DCTPP1: variants seen among roughly 807,000 people sequenced by gnomAD.
DCTPP1 encodes the protein XTP3-transactivated gene A protein.
Under a neutral mutation model 8.8 loss-of-function variants are expected in DCTPP1, and 8 were observed. The observed-to-expected ratio is 0.91, with a 90% CI of 0.54 to 1.64. The LOEUF is 1.64. Ranked by LOEUF, DCTPP1 falls within the 40% of genes most tolerant of loss-of-function variation. The pLI is 0.00. For missense variants in DCTPP1, 231 were observed against 230.4 expected (o/e 1.00, Z -0.02); for synonymous variants, 85 against 92.1 (o/e 0.92, Z 0.44).
chr16:30,424,816 G>A (rs1352707834), intron 2 of DCTPP1, among the ~76,000 whole-genome samples: 1 of 152,142 alleles, frequency 6.6e-6, no homozygotes, highest in African/African-American at 2.4e-5. Context: ...ACCAAACCTC[G>A]GACCTGGACC....
chr16:30,429,244 G>A (rs2050211142), intron 1 of DCTPP1, 77 bp from the exon 2 acceptor site: 4 of 1,460,216 alleles, frequency 2.7e-6, no homozygotes, highest in East Asian at 2.3e-5. Context: ...AGCTACCCCC[G>A]TAGTATGTAA....
rs1567446295 is a variant in DCTPP1, at chr16:30,429,988, A to ACCGGCCACAGACATGCCGCCCC, written c.-9_-8insGGGGCGGCATGTCTGTGGCCGG. The stretch of plus-strand genomic sequence containing the variant: ...CCCACCGGCCACAGACATGCCGCCC[A>ACCGGCCACAGACATGCCGCCCC]CCGCTGCACCGCGACTTCACGGAAA... On this transcript the variant is annotated 5_prime_UTR_variant, in exon 1 of 3. It adds an upstream start codon to the 5' untranslated region. Transcript: ENST00000319285. 2 of 1,497,328 alleles carry ACCGGCCACAGACATGCCGCCCC rather than the reference A, an allele frequency of 1.3e-6. No individual in the cohort carries two copies. The highest frequency in any genetic ancestry group is 2.7e-5 in the East Asian group (1 of 37,188). 92.8% of individuals were successfully genotyped at this position (1,497,328 alleles called of 1,614,324 possible).
At chr16:30,426,651 T>C (rs978862491) in intron 2 of DCTPP1, among the ~76,000 whole-genome samples, 2 of 152,088 alleles carry the variant, frequency 1.3e-5, no homozygotes, top group Non-Finnish European at 2.9e-5. Flanking sequence ...TTTGTATTTT[T>C]AGTAGAGACA....
At chr16:30,424,564 C>G in intron 2 of DCTPP1, 31 bp from the exon 3 acceptor site, 1 of 1,602,138 alleles carries the variant, frequency 6.2e-7, no homozygotes, top group Non-Finnish European at 8.5e-7. Context: ...GACACACACT[C>G]AGATGTAACC....
chr16:30,426,035 C>T (rs2050190516), intron 2 of DCTPP1, among the ~76,000 whole-genome samples: 1 of 152,170 alleles, frequency 6.6e-6, no homozygotes, highest in African/African-American at 2.4e-5. Context: ...ACAGGCCAGA[C>T]TGTCACAGGC....
In DCTPP1 at chr16:30,424,173, G is replaced by A. The variant is rs1302932707; in HGVS notation, c.*60C>T. 1 of 1,576,948 alleles carries A rather than the reference G, an allele frequency of 6.3e-7. No homozygotes were observed. The highest frequency in any genetic ancestry group is 1.2e-5 in the South Asian group (1 of 85,366). On this transcript the variant is annotated 3_prime_UTR_variant, in exon 3 of 3. Coordinates refer to ENST00000319285, the MANE Select transcript of DCTPP1 (RefSeq NM_024096.2). ...GAAAAGACTAGAAAAAGGCTCCAGG[G>A]CCAGGCCACTCTCTGCTCTTCAGAC...
rs2151128167 is a variant in DCTPP1, at chr16:30,424,198, C to T, written c.*35G>A. On this transcript the variant is annotated 3_prime_UTR_variant, in exon 3 of 3. Coordinates refer to ENST00000319285, the MANE Select transcript of DCTPP1 (RefSeq NM_024096.2). Reference sequence around the variant, plus strand: ...GCCAGGCCACTCTCTGCTCTTCAGACACCACCCTGAGTTGCAAGTCCTGTG... The same window carrying T: ...GCCAGGCCACTCTCTGCTCTTCAGATACCACCCTGAGTTGCAAGTCCTGTG... 6.2e-7 allele frequency: 1 copy of T among 1,605,474 alleles called. No individual in the cohort carries two copies. Among genetic ancestry groups the T allele is most frequent in the Non-Finnish European group, 8.5e-7 (1 of 1,174,640 alleles).
intron 2 of DCTPP1, among the ~76,000 whole-genome samples, chr16:30,427,194 TAG>T (rs2050199596): frequency 1.4e-5 from 2 of 147,836 alleles, no homozygotes; most frequent in Non-Finnish European, 3.0e-5. Context: ...GTATTTTTAG[TAG>T]AGACGGGGTT....
intron 1 of DCTPP1, chr16:30,429,386 A>G: frequency 2.1e-6 from 1 of 475,932 alleles, no homozygotes; most frequent in Non-Finnish European, 3.7e-6. Context: ...ACATCTCGCC[A>G]AAACTAACAA....
chr16:30,427,889 T>A (rs1278659914), intron 2 of DCTPP1, among the ~76,000 whole-genome samples: 7 of 152,166 alleles, frequency 4.6e-5, no homozygotes, highest in African/African-American at 1.4e-4. Context: ...TAGACCCAGC[T>A]ACTCCGAAGG....
chr16:30,429,926 C>T lies in DCTPP1; in HGVS notation c.55G>A (p.Ala19Thr). Residue 19 changes from alanine to threonine, a missense_variant, in exon 1 of 3, where the codon GCT becomes ACT. Transcript: ENST00000319285. ...RGDTGGEDTA[A>T]PGRFSFSPEP... Reference sequence around the variant, plus strand: ...GGGCTGAAGCTGAACCGGCCGGGAGCAGCAGTGTCCTCTCCCCCCGTGTCC... The same window carrying T: ...GGGCTGAAGCTGAACCGGCCGGGAGTAGCAGTGTCCTCTCCCCCCGTGTCC... The T allele has an allele frequency of 6.3e-7, 1 of 1,592,914 alleles. No homozygotes were observed. The highest frequency in any genetic ancestry group is 8.5e-7 in the Non-Finnish European group (1 of 1,170,654).
At chr16:30,425,052 G>A (rs1046514517) in intron 2 of DCTPP1, among the ~76,000 whole-genome samples, 7 of 152,162 alleles carry the variant, frequency 4.6e-5, no homozygotes, top group African/African-American at 1.4e-4. Context: ...GGCTAATTTT[G>A]TTTTTCTAGT....
At chr16:30,429,694 TG>T in intron 1 of DCTPP1, 185 bp downstream of exon 1, 1 of 559,064 alleles carries the variant, frequency 1.8e-6, no homozygotes, top group Non-Finnish European at 3.0e-6. Flanking sequence ...CAATTTCCCT[TG>T]CCTCAGGTGT....
At chr16:30,428,915 G>T in intron 2 of DCTPP1, 142 bp downstream of exon 2, 1 of 846,076 alleles carries the variant, frequency 1.2e-6, no homozygotes, top group Non-Finnish European at 1.8e-6. Flanking sequence ...GGACCCGTGA[G>T]TCCTCTCTGC....
At chr16:30,424,631 C>T in intron 2 of DCTPP1, 98 bp from the exon 3 acceptor site, 1 of 1,462,040 alleles carries the variant, frequency 6.8e-7, no homozygotes, top group Non-Finnish European at 9.2e-7. Flanking sequence ...CAAGGACGAC[C>T]TAACCAATCT....
rs529287977 is a variant in DCTPP1 at position 30,429,241 on chromosome 16, C to G, written c.102-74G>C. 1.9e-5 allele frequency: 29 copies of G among 1,495,072 alleles called. No individual in the cohort carries two copies. In the East Asian group the frequency reaches 6.4e-4, roughly 33 times the overall value. 92.6% of individuals were successfully genotyped at this position (1,495,072 alleles called of 1,614,324 possible). A position where few individuals can be genotyped will look rare whatever the true frequency, so the allele number is the denominator to read the frequency against. ...GATGCAGGGGCCAGAGGCAGCTACC[C>G]CCGTAGTATGTAATGGGGCCTGGGA... On this transcript the variant is annotated intron_variant, in intron 1 of 2. Coordinates refer to ENST00000319285, the MANE Select transcript of DCTPP1 (RefSeq NM_024096.2).
In DCTPP1 at chr16:30,424,174, C is replaced by T; in HGVS notation, c.*59G>A. ...AAAAGACTAGAAAAAGGCTCCAGGG[C>T]CAGGCCACTCTCTGCTCTTCAGACA... On this transcript the variant is annotated 3_prime_UTR_variant, in exon 3 of 3. Coordinates refer to ENST00000319285, the MANE Select transcript of DCTPP1 (RefSeq NM_024096.2). 6.3e-7 allele frequency: 1 copy of T among 1,578,668 alleles called. No homozygotes were observed. The highest frequency in any genetic ancestry group is 1.8e-5 in the Admixed American group (1 of 56,678).
chr16:30,429,372 C>G (rs1278856903), intron 1 of DCTPP1: 11 of 500,280 alleles, frequency 2.2e-5, no homozygotes, highest in Non-Finnish European at 3.8e-5. Flanking sequence ...CTGAACTGCC[C>G]TTAACATCTC....
intron 2 of DCTPP1, among the ~76,000 whole-genome samples, chr16:30,428,698 C>G (rs1387821990): frequency 6.6e-6 from 1 of 152,026 alleles, no homozygotes; most frequent in East Asian, 1.9e-4. Context: ...ACCCAGGAGG[C>G]GGATGTTGCA....
Sources: gnomAD v4.1 joint callset for allele counts (sites outside exome capture counted in the v4.1 genomes callset) on GRCh38, gnomAD v4.1.1 for gene constraint, MANE v1.5 for transcripts, NCBI Gene and HGNC (gene_info 2026-07-23, HGNC 2026-07-21) for gene names.